The following FANCC variants were observed in gnomAD, a reference collection of about 807,000 sequenced individuals.
The protein encoded by FANCC is FA complementation group C.
In FANCC, 55 loss-of-function variants were observed where a neutral mutation model predicts 71.3. That is an observed-to-expected ratio of 0.77 (90% CI 0.62 to 0.97). FANCC has a LOEUF of 0.97. Among genes scored for constraint, FANCC ranks in the 50% least tolerant of loss-of-function variants. FANCC has a pLI of 0.00. For missense variants in FANCC, 678 were observed against 670.9 expected, an observed-to-expected ratio of 1.01 and a Z score of -0.12; for synonymous variants, 275 against 244.9, an observed-to-expected ratio of 1.12 and a Z score of -1.15.
At chr9:95,250,937 C>T (rs758677180) in intron 1 of FANCC, among the ~76,000 whole-genome samples, 4 of 152,206 alleles carry the variant, frequency 2.6e-5, no homozygotes, top group South Asian at 2.1e-4. Flanking sequence ...TTAAACTCCC[C>T]GTAGATACTC....
intron 4 of FANCC, among the ~76,000 whole-genome samples, chr9:95,195,784 T>C (rs1827418818): frequency 1.3e-5 from 2 of 152,264 alleles, no homozygotes; most frequent in Admixed American, 6.5e-5. Flanking sequence ...TAAGCATTTA[T>C]TTCATCAGCA....
intron 2 of FANCC, among the ~76,000 whole-genome samples, chr9:95,248,033 T>A (rs1325626747): frequency 2.0e-5 from 3 of 152,216 alleles, no homozygotes; most frequent in Admixed American, 6.5e-5. Flanking sequence ...AATGTATATA[T>A]CTGTTTATTA....
intron 14 of FANCC, among the ~76,000 whole-genome samples, chr9:95,103,834 T>C (rs555707780): frequency 2.0e-5 from 3 of 152,318 alleles, no homozygotes; most frequent in African/African-American, 7.2e-5. Flanking sequence ...GCAGGACCAG[T>C]GCGTCCTTTA....
At chr9:95,267,780 TAAG>T (rs777826249) in intron 1 of FANCC, among the ~76,000 whole-genome samples, 10 of 151,500 alleles carry the variant, frequency 6.6e-5, no homozygotes, top group African/African-American at 9.7e-5. Context: ...AATTAAAAAA[TAAG>T]AAAGTATAAA....
chr9:95,238,433 G>A (rs574024683), intron 4 of FANCC, among the ~76,000 whole-genome samples: 21 of 152,112 alleles, frequency 1.4e-4, no homozygotes, highest in African/African-American at 4.8e-4. Flanking sequence ...TGAGGCCCTC[G>A]CAATTTCTCA....
chr9:95,107,483 A>T, intron 13 of FANCC: 2 of 624,156 alleles, frequency 3.2e-6, no homozygotes. Context: ...CTTGCTCACC[A>T]AGCAGTCAGG....
intron 11 of FANCC, among the ~76,000 whole-genome samples, chr9:95,116,032 GGTTCTTGTACTTCTGCCCGA>G (rs1178838797): frequency 6.6e-6 from 1 of 152,234 alleles, no homozygotes; most frequent in East Asian, 1.9e-4. Context: ...TAGCACAAGA[GGTTCTTGTACTTCTGCCCGA>G]AGCCACCTAT....
chr9:95,149,440 A>C (rs1829982160), intron 7 of FANCC, among the ~76,000 whole-genome samples: 1 of 152,126 alleles, frequency 6.6e-6, no homozygotes, highest in African/African-American at 2.4e-5. Flanking sequence ...CCTAAAATAA[A>C]AGTTAAAAAT....
intron 10 of FANCC, among the ~76,000 whole-genome samples, chr9:95,122,677 G>A (rs2072980143): frequency 6.6e-6 from 1 of 152,202 alleles, no homozygotes; most frequent in South Asian, 2.1e-4. Context: ...GGCCAACATA[G>A]AGGCTGAGGG....
At chr9:95,172,229 G>A (rs1825734276) in intron 4 of FANCC, 82 bp from the exon 5 acceptor site, 2 of 833,630 alleles carry the variant, frequency 2.4e-6, no homozygotes, top group Non-Finnish European at 4.0e-6. Flanking sequence ...CAATTTATTT[G>A]TACATGGGGG....
chr9:95,284,877 T>C (rs7018638), intron 1 of FANCC, among the ~76,000 whole-genome samples: 118 of 147,648 alleles, frequency 8.0e-4, no homozygotes, highest in African/African-American at 1.2e-3. Context: ...CACACACACA[T>C]ACACACACAC....
intron 7 of FANCC, among the ~76,000 whole-genome samples, chr9:95,143,446 C>T (rs972221061): frequency 6.6e-6 from 1 of 152,082 alleles, no homozygotes; most frequent in South Asian, 2.1e-4. Context: ...TCTGGGGGCC[C>T]ACCAGGAGTC....
At chr9:95,103,050 C>T (rs901890487) in intron 14 of FANCC, among the ~76,000 whole-genome samples, 13 of 152,242 alleles carry the variant, frequency 8.5e-5, no homozygotes, top group Admixed American at 3.3e-4. Flanking sequence ...TGATGGCCTT[C>T]GGTAGATGCA....
At chr9:95,231,467 C>T (rs1830007307) in intron 4 of FANCC, among the ~76,000 whole-genome samples, 1 of 152,126 alleles carries the variant, frequency 6.6e-6, no homozygotes, top group Non-Finnish European at 1.5e-5. Flanking sequence ...TGTGAGGACC[C>T]TGGGATTCGA....
chr9:95,254,612 C>T (rs1588365286), intron 1 of FANCC, among the ~76,000 whole-genome samples: 1 of 152,230 alleles, frequency 6.6e-6, no homozygotes, highest in East Asian at 1.9e-4. Context: ...TGGGTGCCTA[C>T]ACCACCAGGG....
At chr9:95,241,447 T>A (rs1430270774) in intron 3 of FANCC, among the ~76,000 whole-genome samples, 5 of 152,204 alleles carry the variant, frequency 3.3e-5, no homozygotes, top group Non-Finnish European at 7.3e-5. Flanking sequence ...TGAGCTACTT[T>A]CTTTCTCCTT....
At chr9:95,282,191 T>A (rs749274526) in intron 1 of FANCC, among the ~76,000 whole-genome samples, 1 of 151,878 alleles carries the variant, frequency 6.6e-6, no homozygotes, top group Non-Finnish European at 1.5e-5. Flanking sequence ...AGGATACACA[T>A]AGACTGAAAG....
intron 7 of FANCC, among the ~76,000 whole-genome samples, chr9:95,147,694 T>C (rs1314884066): frequency 6.6e-6 from 1 of 152,248 alleles, no homozygotes; most frequent in Non-Finnish European, 1.5e-5. Context: ...TTGTGTCTTA[T>C]GCAACAATAT....
At chr9:95,228,474 C>T (rs541485395) in intron 4 of FANCC, among the ~76,000 whole-genome samples, 2 of 152,196 alleles carry the variant, frequency 1.3e-5, no homozygotes, top group Non-Finnish European at 2.9e-5. Flanking sequence ...CATTTTGCCA[C>T]AAAAATTCCT....
Sources: gnomAD v4.1 joint callset for allele counts (sites outside exome capture counted in the v4.1 genomes callset) on GRCh38, gnomAD v4.1.1 for gene constraint, MANE v1.5 for transcripts, NCBI Gene and HGNC (gene_info 2026-07-23, HGNC 2026-07-21) for gene names.